Variants in RIMS1 observed in about 807,000 individuals in gnomAD.
RIMS1 encodes the protein regulating synaptic membrane exocytosis protein 1.
RIMS1 carries 83 observed loss-of-function variants against 214.1 expected under a neutral mutation model. The observed-to-expected ratio is 0.39, with a 90% CI of 0.32 to 0.47. The LOEUF is 0.47. Ranked by LOEUF, RIMS1 falls within the 20% of genes least tolerant of loss-of-function variation. RIMS1 has a pLI of 0.99. For missense variants in RIMS1, 2,050 were observed against 2,161.8 expected (o/e 0.95, Z 1.03); for synonymous variants, 793 against 786.8 (o/e 1.01, Z -0.13).
chr6:72,334,472 A>G (rs114755192), intron 29 of RIMS1, among the ~76,000 whole-genome samples: 1,759 of 152,016 alleles, frequency 0.012, 39 homozygotes, highest in African/African-American at 0.039. Flanking sequence ...GCAAATACAA[A>G]AGGGAGAGTG....
chr6:72,276,436 GTTA>G (rs758483832), intron 23 of RIMS1, among the ~76,000 whole-genome samples: 5 of 152,030 alleles, frequency 3.3e-5, no homozygotes, highest in Non-Finnish European at 7.4e-5. Flanking sequence ...TACACGAGAT[GTTA>G]TTAGCTTAAT....
intron 29 of RIMS1, among the ~76,000 whole-genome samples, chr6:72,369,114 A>G (rs111362334): frequency 0.013 from 1,919 of 150,544 alleles, 23 homozygotes; most frequent in African/African-American, 0.031. Flanking sequence ...GTAGACTAGG[A>G]GAGAACCAGT....
At chr6:72,252,433 CTTAA>C (rs1460756002) in intron 15 of RIMS1, among the ~76,000 whole-genome samples, 1 of 152,062 alleles carries the variant, frequency 6.6e-6, no homozygotes, top group Non-Finnish European at 1.5e-5. Context: ...GAGGAAAGCA[CTTAA>C]TTGTGTAGAA....
intron 4 of RIMS1, among the ~76,000 whole-genome samples, chr6:72,139,017 T>A (rs1167907910): frequency 6.6e-6 from 1 of 152,182 alleles, no homozygotes; most frequent in Non-Finnish European, 1.5e-5. Context: ...AAAATTCCTA[T>A]AAACACAAAC....
At chr6:72,126,960 A>C (rs1460177146) in intron 4 of RIMS1, among the ~76,000 whole-genome samples, 1 of 152,188 alleles carries the variant, frequency 6.6e-6, no homozygotes, top group Non-Finnish European at 1.5e-5. Flanking sequence ...CATTATGTGA[A>C]AAAGATACAC....
rs982878510 is a variant in RIMS1 at position 72,287,986 on chromosome 6, A to G, written c.3555-2693A>G. Among the ~76,000 whole-genome samples, 9 of 152,330 alleles carry G rather than the reference A, an allele frequency of 5.9e-5. No homozygotes were observed. The South Asian group carries it at 1.9e-3, about 32-fold the overall frequency. ...TTTGATTCCACAAACTCTCAAACAC[A>G]GTTCTGTTAAGTCCTGCCAAATAAT... On this transcript the variant is annotated intron_variant, in intron 24 of 33. Transcript: ENST00000521978.
At chr6:71,888,051 T>G (rs1208556709) in intron 1 of RIMS1, among the ~76,000 whole-genome samples, 1 of 152,172 alleles carries the variant, frequency 6.6e-6, no homozygotes, top group African/African-American at 2.4e-5. Flanking sequence ...TTCAAGGGAT[T>G]TCTGTCTGAT....
chr6:71,903,267 T>C (rs951209157), intron 1 of RIMS1, among the ~76,000 whole-genome samples: 3 of 152,184 alleles, frequency 2.0e-5, no homozygotes, highest in Non-Finnish European at 4.4e-5. Context: ...TTTGTGTTTC[T>C]CTAATGATTG....
chr6:72,125,365 A>G (rs568430753), intron 4 of RIMS1, among the ~76,000 whole-genome samples: 1 of 152,260 alleles, frequency 6.6e-6, no homozygotes, highest in Admixed American at 6.5e-5. Context: ...GCTTCGTCTC[A>G]GAGGGGCACC....
rs143959706 is a variant in RIMS1 at position 71,915,611 on chromosome 6, A to G, written c.164+28424A>G. ...ATAGCAGAGCTTAGGCAAGTCACTTAGCTGCTCTCTGACTCAGTTTCCTCT... is the reference window on the plus strand; with the variant it reads ...ATAGCAGAGCTTAGGCAAGTCACTTGGCTGCTCTCTGACTCAGTTTCCTCT... On this transcript the variant is annotated intron_variant, in intron 1 of 33. Coordinates refer to ENST00000521978, the MANE Select transcript of RIMS1 (RefSeq NM_014989.7). Among the ~76,000 whole-genome samples the G allele has an allele frequency of 5.8e-4, 88 of 152,274 alleles. 1 individual carries two copies. In the East Asian group the frequency reaches 0.013, roughly 23 times the overall value.
chr6:72,023,023 C>T (rs1815212838), intron 2 of RIMS1, among the ~76,000 whole-genome samples: 1 of 152,138 alleles, frequency 6.6e-6, no homozygotes, highest in African/African-American at 2.4e-5. Context: ...CTTACTCGTG[C>T]ATGAGTTCTC....
At chr6:72,346,108 G>T (rs959660220) in intron 29 of RIMS1, among the ~76,000 whole-genome samples, 1 of 151,668 alleles carries the variant, frequency 6.6e-6, no homozygotes, top group Non-Finnish European at 1.5e-5. Flanking sequence ...AACCATAAAT[G>T]GTACCTACCT....
At chr6:72,323,022 C>T (rs1218552554) in intron 28 of RIMS1, among the ~76,000 whole-genome samples, 1 of 152,044 alleles carries the variant, frequency 6.6e-6, no homozygotes, top group Non-Finnish European at 1.5e-5. Flanking sequence ...ATGGATTGGA[C>T]TTCAAGTTCC....
chr6:72,386,191 C>T (rs7757851), intron 29 of RIMS1, among the ~76,000 whole-genome samples: 2,829 of 152,262 alleles, frequency 0.019, 75 homozygotes, highest in African/African-American at 0.065. Context: ...AACTTGATAT[C>T]CCAACTAAAA....
intron 27 of RIMS1, among the ~76,000 whole-genome samples, chr6:72,311,431 G>A (rs1477667609): frequency 6.6e-6 from 1 of 152,144 alleles, no homozygotes; most frequent in African/African-American, 2.4e-5. Context: ...AACTGAATTT[G>A]CTGGTAAACC....
At chr6:72,152,821 A>AATATATAT in intron 4 of RIMS1, among the ~76,000 whole-genome samples, 1 of 59,358 alleles carries the variant, frequency 1.7e-5, no homozygotes, top group East Asian at 7.2e-4. Flanking sequence ...ATATATATGG[A>AATATATAT]ATATATGTAT....
intron 1 of RIMS1, among the ~76,000 whole-genome samples, chr6:71,897,639 A>G (rs1279654734): frequency 6.6e-6 from 1 of 152,128 alleles, no homozygotes; most frequent in Admixed American, 6.6e-5. Flanking sequence ...AGATTTTGGT[A>G]TTCGTCTTAA....
At chr6:72,339,082 T>A (rs995280577) in intron 29 of RIMS1, among the ~76,000 whole-genome samples, 11 of 151,686 alleles carry the variant, frequency 7.3e-5, no homozygotes, top group Non-Finnish European at 1.5e-4. Flanking sequence ...ATATTTCAGC[T>A]CAGAAAAGAC....
At chr6:72,070,792 G>A (rs1830409782) in intron 2 of RIMS1, among the ~76,000 whole-genome samples, 1 of 152,120 alleles carries the variant, frequency 6.6e-6, no homozygotes, top group Non-Finnish European at 1.5e-5. Context: ...TTTTGTGCAT[G>A]TCAAGGAGCT....
Sources: allele counts gnomAD v4.1 joint callset (sites outside exome capture counted in the v4.1 genomes callset), GRCh38; gene constraint gnomAD v4.1.1; transcripts MANE v1.5; gene names NCBI Gene and HGNC (gene_info 2026-07-23, HGNC 2026-07-21).